The following DCDC2C variants were observed in gnomAD, a reference collection of about 807,000 sequenced individuals.
The protein encoded by DCDC2C is doublecortin domain containing 2C, also known as doublecortin domain-containing protein 2C.
Under a neutral mutation model 45.0 loss-of-function variants are expected in DCDC2C, and 44 were observed. The observed-to-expected ratio is 0.98, with a 90% confidence interval of 0.77 to 1.26. The LOEUF (loss-of-function observed/expected upper bound fraction) is 1.26. Ranked by LOEUF, DCDC2C falls within the 50% of genes most tolerant of loss-of-function variation. The pLI, the probability that DCDC2C is intolerant of heterozygous loss-of-function variation, is 0.00. For missense variants in DCDC2C, 447 were observed against 468.9 expected (o/e 0.95, Z 0.43); for synonymous variants, 187 against 178.8 (o/e 1.05, Z -0.37).
At chr2:3,709,349 T>A (rs542786417) in intron 2 of DCDC2C, among the ~76,000 whole-genome samples, 2 of 152,206 alleles carry the variant, frequency 1.3e-5, no homozygotes, top group African/African-American at 2.4e-5. Context: ...ATCTGTATAA[T>A]GTGCCAGCAC....
At chr2:3,728,787 T>C (rs1274337110) in intron 3 of DCDC2C, among the ~76,000 whole-genome samples, 1 of 152,234 alleles carries the variant, frequency 6.6e-6, no homozygotes, top group Non-Finnish European at 1.5e-5. Flanking sequence ...GGTGTGACCC[T>C]TTCTGGTGAA....
chr2:3,744,511 C>G (rs1260980342), intron 4 of DCDC2C, among the ~76,000 whole-genome samples: 1 of 152,146 alleles, frequency 6.6e-6, no homozygotes, highest in Non-Finnish European at 1.5e-5. Flanking sequence ...AGATGAAGAT[C>G]TTTCAGGCTG....
intron 10 of DCDC2C, among the ~76,000 whole-genome samples, chr2:3,804,548 A>C (rs577064597): frequency 6.6e-6 from 1 of 152,168 alleles, no homozygotes; most frequent in African/African-American, 2.4e-5. Context: ...TAATTATTAC[A>C]TTATCATCAA....
chr2:3,730,931 AT>A (rs1187577977), intron 3 of DCDC2C, among the ~76,000 whole-genome samples: 1 of 152,104 alleles, frequency 6.6e-6, no homozygotes, highest in African/African-American at 2.4e-5. Flanking sequence ...CTCTTGACAA[AT>A]TTCCTCTCGA....
At chr2:3,704,189 G>C in intron 1 of DCDC2C, 151 bp downstream of exon 1, 1 of 720,536 alleles carries the variant, frequency 1.4e-6, no homozygotes, top group Non-Finnish European at 1.9e-6. Context: ...CGCAGCCGGC[G>C]TCGGGCCGCC....
intron 2 of DCDC2C, among the ~76,000 whole-genome samples, chr2:3,715,150 A>G (rs964867272): frequency 1.3e-5 from 2 of 152,170 alleles, no homozygotes; most frequent in African/African-American, 4.8e-5. Context: ...ACTCCTTTCT[A>G]TTTAATGATG....
chr2:3,809,612 G>A (rs73146868), intron 10 of DCDC2C, among the ~76,000 whole-genome samples: 15,936 of 152,076 alleles, frequency 0.1, 1,636 homozygotes, highest in African/African-American at 0.27. Context: ...AGTTCTGGTC[G>A]CTTTTTAAAA....
chr2:3,734,713 G>A lies in DCDC2C; in HGVS notation c.417-7207G>A, dbSNP rs559593567. Among the ~76,000 whole-genome samples, 5 of 152,332 alleles carry A rather than the reference G, an allele frequency of 3.3e-5. No individual in the cohort carries two copies. In the South Asian group the frequency reaches 6.2e-4, roughly 19 times the overall value. On this transcript the variant is annotated intron_variant, in intron 3 of 10. Coordinates refer to ENST00000399143, the MANE Select transcript of DCDC2C (RefSeq NM_001287444.2). This position sits in a 1 kb window ranked among gnomAD's most constrained non-coding sequence, Gnocchi z 4.2. ...GCCCTGGCTCACAGGCAGGAGACAT[G>A]CCTCAAGTCCTGAGCTCGGTGAAGC...
intron 2 of DCDC2C, among the ~76,000 whole-genome samples, chr2:3,710,932 G>A (rs956664444): frequency 2.0e-5 from 3 of 152,178 alleles, no homozygotes; most frequent in Non-Finnish European, 4.4e-5. Context: ...GAGTGCATGT[G>A]TCTTTTTGGT....
At chr2:3,745,485 T>C (rs898104966) in intron 4 of DCDC2C, among the ~76,000 whole-genome samples, 1 of 152,136 alleles carries the variant, frequency 6.6e-6, no homozygotes, top group African/African-American at 2.4e-5. Flanking sequence ...AGCTTAGAAA[T>C]AAAAGAAATG....
At chr2:3,805,239 T>C (rs1671209687) in intron 10 of DCDC2C, among the ~76,000 whole-genome samples, 1 of 152,258 alleles carries the variant, frequency 6.6e-6, no homozygotes, top group African/African-American at 2.4e-5. Context: ...GGGCGAACCA[T>C]GGAGAGAGGT....
At chr2:3,824,796 T>C (rs1353956192) in intron 10 of DCDC2C, among the ~76,000 whole-genome samples, 1 of 151,486 alleles carries the variant, frequency 6.6e-6, no homozygotes, top group African/African-American at 2.4e-5. Flanking sequence ...CCTGCTGAGG[T>C]TTCTCTTTTT....
chr2:3,732,896 C>T (rs1668914874), intron 3 of DCDC2C, among the ~76,000 whole-genome samples: 1 of 152,176 alleles, frequency 6.6e-6, no homozygotes, highest in African/African-American at 2.4e-5. Flanking sequence ...GACATGTGGG[C>T]TCTTCCTGAG....
intron 6 of DCDC2C, among the ~76,000 whole-genome samples, chr2:3,758,267 G>A (rs77675222): frequency 0.054 from 8,188 of 152,222 alleles, 378 homozygotes; most frequent in African/African-American, 0.12. Context: ...CGTCGACAGC[G>A]TCTCAGGACT....
intron 8 of DCDC2C, among the ~76,000 whole-genome samples, chr2:3,771,484 C>T (rs1474328621): frequency 9.9e-5 from 15 of 151,154 alleles, no homozygotes; most frequent in Non-Finnish European, 1.6e-4. Context: ...GGGGGAATCA[C>T]GGTGCACATG....
chr2:3,810,211 C>G (rs1483404545), intron 10 of DCDC2C, among the ~76,000 whole-genome samples: 2 of 152,212 alleles, frequency 1.3e-5, no homozygotes, highest in Non-Finnish European at 2.9e-5. Context: ...TTCCCACCAA[C>G]AGTGTAAAAG....
intron 10 of DCDC2C, among the ~76,000 whole-genome samples, chr2:3,794,044 G>C (rs562807421): frequency 1.3e-5 from 2 of 152,304 alleles, no homozygotes; most frequent in Admixed American, 1.3e-4. Flanking sequence ...TTACAATGTG[G>C]AATCAGAACC....
At chr2:3,781,196 A>G (rs1670498600) in intron 9 of DCDC2C, among the ~76,000 whole-genome samples, 1 of 152,282 alleles carries the variant, frequency 6.6e-6, no homozygotes. Context: ...AACAATGAAA[A>G]AGAAGCAGGA....
At chr2:3,795,242 G>A (rs1240045039) in intron 10 of DCDC2C, among the ~76,000 whole-genome samples, 3 of 151,878 alleles carry the variant, frequency 2.0e-5, no homozygotes, top group African/African-American at 7.3e-5. Flanking sequence ...TTTGTTTTGA[G>A]TTCATTGTAG....
Sources: gnomAD v4.1 joint callset for allele counts (sites outside exome capture counted in the v4.1 genomes callset) on GRCh38, gnomAD v4.1.1 for gene constraint, Gnocchi (gnomAD v3.1) non-coding constraint, MANE v1.5 for transcripts, NCBI Gene and HGNC (gene_info 2026-07-23, HGNC 2026-07-21) for gene names.